Variants in TRHDE observed in about 807,000 individuals in gnomAD.
TRHDE encodes thyrotropin releasing hormone degrading enzyme, also known as thyrotropin-releasing hormone-degrading ectoenzyme.
A neutral mutation model predicts 125.7 loss-of-function variants in TRHDE; 72 were observed. The ratio of observed to expected loss-of-function variants is 0.57; its 90% CI spans 0.47 to 0.70. The LOEUF (loss-of-function observed/expected upper bound fraction) is 0.70. Among genes scored for constraint, TRHDE ranks in the 30% least tolerant of loss-of-function variants. TRHDE has a pLI of 0.00. For synonymous variants in TRHDE, 509 were observed against 509.1 expected (o/e 1.00, Z 0.00); for missense variants, 1,110 against 1,327.1 (o/e 0.84, Z 2.54).
At chr12:72,415,802 G>A (rs1592428564) in intron 3 of TRHDE, among the ~76,000 whole-genome samples, 1 of 152,058 alleles carries the variant, frequency 6.6e-6, no homozygotes, top group African/African-American at 2.4e-5. Context: ...CATTTAGACT[G>A]ATTCCATACC....
chr12:72,287,043 C>T, intron 2 of TRHDE, 89 bp downstream of exon 2: 1 of 1,281,182 alleles, frequency 7.8e-7, no homozygotes, highest in Non-Finnish European at 1.1e-6. Flanking sequence ...TCATTTCTAA[C>T]CTTTTTACAC....
chr12:72,437,442 T>A (rs1372058262), intron 3 of TRHDE, among the ~76,000 whole-genome samples: 1 of 151,856 alleles, frequency 6.6e-6, no homozygotes, highest in Non-Finnish European at 1.5e-5. Context: ...CATTCTGTTG[T>A]CTTCAGGAAT....
intron 6 of TRHDE, among the ~76,000 whole-genome samples, chr12:72,506,278 T>G (rs1398342626): frequency 6.6e-6 from 1 of 152,012 alleles, no homozygotes; most frequent in Non-Finnish European, 1.5e-5. Flanking sequence ...TCTCCTGCAC[T>G]CCAGCCTGGA....
At chr12:72,181,671 A>G (rs1183719319) in intron 2 of TRHDE, among the ~76,000 whole-genome samples, 2 of 152,030 alleles carry the variant, frequency 1.3e-5, no homozygotes, top group African/African-American at 2.4e-5. Flanking sequence ...TTGAAGCATG[A>G]TTTTCATTGA....
chr12:72,415,285 T>C (rs1309508107), intron 3 of TRHDE, among the ~76,000 whole-genome samples: 1 of 152,136 alleles, frequency 6.6e-6, no homozygotes, highest in African/African-American at 2.4e-5. Context: ...ATGGGATATA[T>C]GTGATATTTT....
intron 3 of TRHDE, chr12:72,431,739 G>A (rs1388798418): frequency 6.6e-6 from 1 of 151,750 alleles, no homozygotes; most frequent in Non-Finnish European, 1.5e-5. Context: ...TGGCATACCT[G>A]TTACATGTTT....
intron 3 of TRHDE, among the ~76,000 whole-genome samples, chr12:72,380,886 C>T (rs1241782450): frequency 7.2e-6 from 1 of 139,114 alleles, no homozygotes; most frequent in East Asian, 2.1e-4. Context: ...TTCTTTCTTT[C>T]TTCCTTCCTT....
intron 2 of TRHDE, among the ~76,000 whole-genome samples, chr12:72,340,676 A>G (rs956639861): frequency 1.3e-5 from 2 of 151,830 alleles, no homozygotes; most frequent in African/African-American, 4.8e-5. Flanking sequence ...AGACCCATCT[A>G]CTCCTGCATT....
At chr12:72,417,138 G>T (rs532158822) in intron 3 of TRHDE, among the ~76,000 whole-genome samples, 1 of 151,998 alleles carries the variant, frequency 6.6e-6, no homozygotes, top group African/African-American at 2.4e-5. Flanking sequence ...CTTTAAATGA[G>T]ATTACTTTCT....
chr12:72,242,520 G>C (rs1233442155), intron 2 of TRHDE, among the ~76,000 whole-genome samples: 1 of 152,134 alleles, frequency 6.6e-6, no homozygotes, highest in African/African-American at 2.4e-5. Flanking sequence ...CAAGCCCTCT[G>C]TTTTGGGTGC....
At chr12:72,393,990 C>G (rs1439598287) in intron 3 of TRHDE, among the ~76,000 whole-genome samples, 1 of 152,132 alleles carries the variant, frequency 6.6e-6, no homozygotes, top group Non-Finnish European at 1.5e-5. Flanking sequence ...GAGCTAGTAA[C>G]TGTAAACGTG....
chr12:72,403,455 T>G (rs1273971651), intron 3 of TRHDE, among the ~76,000 whole-genome samples: 1 of 152,230 alleles, frequency 6.6e-6, no homozygotes, highest in African/African-American at 2.4e-5. Flanking sequence ...CTTTTTTTAT[T>G]TCATTCTCAC....
At chr12:72,527,154 A>G (rs1868350433) in intron 6 of TRHDE, among the ~76,000 whole-genome samples, 2 of 152,120 alleles carry the variant, frequency 1.3e-5, no homozygotes, top group African/African-American at 4.8e-5. Flanking sequence ...TTTAACAGGT[A>G]TGTGTTGAAT....
intron 12 of TRHDE, among the ~76,000 whole-genome samples, chr12:72,596,858 G>T (rs11179270): frequency 3.3e-5 from 5 of 152,122 alleles, no homozygotes; most frequent in Middle Eastern, 3.2e-3. Flanking sequence ...TAAAAAATCA[G>T]CATGAAAAAG....
At chr12:72,203,831 A>AT (rs1485873857) in intron 2 of TRHDE, among the ~76,000 whole-genome samples, 7 of 152,166 alleles carry the variant, frequency 4.6e-5, no homozygotes. Context: ...AAGTCTCCAC[A>AT]TACATAGGCC....
At chr12:72,171,742 G>T (rs536266637) in intron 2 of TRHDE, among the ~76,000 whole-genome samples, 1 of 152,304 alleles carries the variant, frequency 6.6e-6, no homozygotes, top group African/African-American at 2.4e-5. Flanking sequence ...CCAGAAGAGG[G>T]TGTCTTAGTG....
intron 2 of TRHDE, among the ~76,000 whole-genome samples, chr12:72,354,707 TTTC>T (rs1437395710): frequency 6.7e-6 from 1 of 148,580 alleles, no homozygotes; most frequent in African/African-American, 2.4e-5. Flanking sequence ...ATATACCGAT[TTTC>T]TTATTTTATA....
chr12:72,551,662 T>C (rs1469897817), intron 7 of TRHDE, among the ~76,000 whole-genome samples: 1 of 152,154 alleles, frequency 6.6e-6, no homozygotes, highest in East Asian at 1.9e-4. Context: ...AAGTACCAAG[T>C]ATTCAGGGCA....
At chr12:72,141,419 C>T (rs914370901) in intron 2 of TRHDE, among the ~76,000 whole-genome samples, 1 of 152,120 alleles carries the variant, frequency 6.6e-6, no homozygotes, top group Non-Finnish European at 1.5e-5. Flanking sequence ...CTTTTGTGAC[C>T]TGTGGGCTTA....
Sources: gnomAD v4.1 joint callset for allele counts (sites outside exome capture counted in the v4.1 genomes callset) on GRCh38, gnomAD v4.1.1 for gene constraint, MANE v1.5 for transcripts, NCBI Gene and HGNC (gene_info 2026-07-23, HGNC 2026-07-21) for gene names.